SULF2: variants seen among roughly 807,000 people sequenced by gnomAD.
SULF2 encodes sulfatase 2, also known as extracellular sulfatase Sulf-2.
Under a neutral mutation model 107.7 loss-of-function variants are expected in SULF2, and 52 were observed. The ratio of observed to expected loss-of-function variants is 0.48; its 90% CI spans 0.39 to 0.61. The LOEUF (loss-of-function observed/expected upper bound fraction) is 0.61, where lower values mean the gene tolerates loss of function less well. Ranked by LOEUF, SULF2 falls within the 20% of genes least tolerant of loss-of-function variation. The pLI is 0.00. For missense variants in SULF2, 993 were observed against 1,177.3 expected (o/e 0.84, Z 2.29); for synonymous variants, 460 against 464.3 (o/e 0.99, Z 0.12).
chr20:47,667,157 GA>G (rs1214958207), intron 11 of SULF2, among the ~76,000 whole-genome samples: 2 of 151,956 alleles, frequency 1.3e-5, no homozygotes, highest in Non-Finnish European at 2.9e-5. Context: ...AATTAAAAAG[GA>G]AAAAAAGTAT....
intron 3 of SULF2, among the ~76,000 whole-genome samples, chr20:47,716,902 C>T (rs1370404533): frequency 6.6e-5 from 10 of 151,956 alleles, no homozygotes; most frequent in Non-Finnish European, 8.8e-5. Flanking sequence ...CCCAGCTACT[C>T]GAGAGGCTGA....
intron 2 of SULF2, among the ~76,000 whole-genome samples, chr20:47,742,593 G>A (rs555767359): frequency 1.3e-5 from 2 of 152,214 alleles, no homozygotes; most frequent in East Asian, 1.9e-4. Flanking sequence ...CCCCATTCAC[G>A]GTGGCTTTTT....
intron 2 of SULF2, among the ~76,000 whole-genome samples, chr20:47,753,459 C>T (rs1216754819): frequency 6.6e-6 from 1 of 152,246 alleles, no homozygotes; most frequent in Non-Finnish European, 1.5e-5. Context: ...GCTTCTGAAA[C>T]TGCCCGTCAC....
At chr20:47,746,151 C>T (rs1330878171) in intron 2 of SULF2, among the ~76,000 whole-genome samples, 1 of 152,234 alleles carries the variant, frequency 6.6e-6, no homozygotes, top group Non-Finnish European at 1.5e-5. Context: ...GTGCCTAGCC[C>T]TGTGGGCATG....
At chr20:47,725,481 C>T (rs2089415027) in intron 3 of SULF2, among the ~76,000 whole-genome samples, 1 of 152,172 alleles carries the variant, frequency 6.6e-6, no homozygotes, top group Admixed American at 6.5e-5. Context: ...TCTCCGCCCC[C>T]AGGAAGCCAG....
At chr20:47,749,230 C>T (rs950838063) in intron 2 of SULF2, among the ~76,000 whole-genome samples, 25 of 152,216 alleles carry the variant, frequency 1.6e-4, no homozygotes, top group Non-Finnish European at 1.5e-5. Context: ...TGCCTACCTC[C>T]AGACATTTGT....
At chr20:47,672,507 G>A (rs1172959920) in intron 10 of SULF2, 114 bp from the exon 11 acceptor site, 23 of 1,438,806 alleles carry the variant, frequency 1.6e-5, no homozygotes, top group Non-Finnish European at 2.0e-5. Flanking sequence ...GCATCCAGCT[G>A]TTACCGAGCC....
chr20:47,780,086 G>C (rs966258947), intron 1 of SULF2, among the ~76,000 whole-genome samples: 2 of 142,722 alleles, frequency 1.4e-5, no homozygotes, highest in Admixed American at 7.3e-5. Flanking sequence ...GTGTGATCCC[G>C]GCTCACAGCA....
At chr20:47,733,204 G>A (rs2089654805) in intron 3 of SULF2, among the ~76,000 whole-genome samples, 1 of 152,176 alleles carries the variant, frequency 6.6e-6, no homozygotes, top group African/African-American at 2.4e-5. Flanking sequence ...TGAAGGAGAA[G>A]AGACTATTGA....
chr20:47,738,628 A>G (rs56374036), intron 2 of SULF2, among the ~76,000 whole-genome samples: 21,940 of 152,184 alleles, frequency 0.14, 2,130 homozygotes, highest in Non-Finnish European at 0.22. Flanking sequence ...TTGGTAGTGA[A>G]TAAGTCTCAC....
intron 10 of SULF2, among the ~76,000 whole-genome samples, chr20:47,672,731 A>G (rs1204481429): frequency 1.3e-5 from 2 of 152,080 alleles, no homozygotes; most frequent in African/African-American, 2.4e-5. Flanking sequence ...AAACCCTTCA[A>G]TGGCTCCCAC....
rs968155701 is a variant in SULF2, at chr20:47,665,924, T to C, written c.1835A>G (p.Gln612Arg). 2 of 1,614,096 alleles carry C rather than the reference T, an allele frequency of 1.2e-6. No homozygotes were observed. The highest frequency in any genetic ancestry group is 2.2e-5 in the South Asian group (2 of 91,086). Residue 612 changes from glutamine (Q) to arginine (R), a missense_variant, in exon 13 of 21, where the codon CAG (glutamine) becomes CGG (arginine). Coordinates refer to ENST00000688720, the MANE Select transcript of SULF2 (RefSeq NM_001387048.1). Reference sequence around the variant, plus strand: ...GGACTTGTACAGGTCCAGGTCACACTGGACTGTGTCGTTCTCTAGGATGTA... The same window carrying C: ...GGACTTGTACAGGTCCAGGTCACACCGGACTGTGTCGTTCTCTAGGATGTA... ...RCYILENDTV[Q>R]CDLDLYKSLQ...
intron 3 of SULF2, among the ~76,000 whole-genome samples, chr20:47,704,873 G>A (rs1262385363): frequency 2.0e-5 from 3 of 152,192 alleles, no homozygotes; most frequent in East Asian, 3.9e-4. Flanking sequence ...GAGGAAGGAG[G>A]AGAGTGGGTG....
At chr20:47,784,735 G>T (rs1490561975) in intron 1 of SULF2, among the ~76,000 whole-genome samples, 8 of 152,232 alleles carry the variant, frequency 5.3e-5, no homozygotes, top group Admixed American at 3.9e-4. Flanking sequence ...TGCACTCCTA[G>T]AATTCACCGC....
At chr20:47,705,608 C>A (rs1426012589) in intron 3 of SULF2, among the ~76,000 whole-genome samples, 1 of 152,110 alleles carries the variant, frequency 6.6e-6, no homozygotes, top group African/African-American at 2.4e-5. Context: ...TAATTTCTGT[C>A]CCCAGGAGAC....
intron 3 of SULF2, among the ~76,000 whole-genome samples, chr20:47,705,129 C>T (rs750069494): frequency 1.3e-5 from 2 of 152,190 alleles, no homozygotes; most frequent in Admixed American, 6.5e-5. Flanking sequence ...AAATGACTTG[C>T]CCATCATGCA....
chr20:47,702,800 G>A, intron 3 of SULF2, 130 bp from the exon 4 acceptor site: 1 of 711,022 alleles, frequency 1.4e-6, no homozygotes, highest in Non-Finnish European at 2.3e-6. Context: ...CAGAGCAATG[G>A]ATCCCTTCTC....
intron 14 of SULF2, 44 bp from the exon 15 acceptor site, chr20:47,664,233 A>G (rs755759237): frequency 4.4e-6 from 7 of 1,585,184 alleles, no homozygotes; most frequent in Non-Finnish European, 5.2e-6. Flanking sequence ...AGTGGCTCAG[A>G]GGGCTCCGCT....
chr20:47,683,227 G>A (rs889246842), intron 6 of SULF2, 58 bp from the exon 7 acceptor site: 32 of 1,490,830 alleles, frequency 2.1e-5, no homozygotes, highest in South Asian at 8.0e-5. Flanking sequence ...GCCCGTCTCC[G>A]ACCCGGGGTG....
Sources: gnomAD v4.1 joint callset for allele counts (sites outside exome capture counted in the v4.1 genomes callset) on GRCh38, gnomAD v4.1.1 for gene constraint, MANE v1.5 for transcripts, NCBI Gene and HGNC (gene_info 2026-07-23, HGNC 2026-07-21) for gene names.